The following CALD1 variants were observed in gnomAD, a reference collection of about 807,000 sequenced individuals.
The protein encoded by CALD1 is caldesmon.
Under a neutral mutation model 99.9 loss-of-function variants are expected in CALD1, and 33 were observed. The ratio of observed to expected loss-of-function variants is 0.33; its 90% CI spans 0.25 to 0.44. The LOEUF is 0.44. Ranked by LOEUF, CALD1 falls within the 20% of genes least tolerant of loss-of-function variation. The pLI is 1.00. For synonymous variants in CALD1, 310 were observed against 325.0 expected (o/e 0.95, Z 0.50); for missense variants, 861 against 962.1 (o/e 0.89, Z 1.39).
intron 3 of CALD1, chr7:134,868,006 A>C: frequency 5.1e-6 from 2 of 388,436 alleles, no homozygotes; most frequent in Middle Eastern, 1.3e-3. Flanking sequence ...AGAAAAAGAG[A>C]GATTTGAGAG....
rs1163512471 is a variant in CALD1 at position 134,935,713 on chromosome 7, A to C, written c.1334A>C (p.Gln445Pro). 2 of 1,605,286 alleles carry C rather than the reference A, an allele frequency of 1.2e-6. No individual in the cohort carries two copies. The highest frequency in any genetic ancestry group is 8.5e-7 in the Non-Finnish European group (1 of 1,176,634). The change falls in exon 6 of 15, where the codon CAA (glutamine) becomes CCA (proline). Residue 445 changes from glutamine (Q) to proline (P), a missense_variant. Around this residue, in one of 5 missense-constraint regions of CALD1, gnomAD observed 293 missense variants for 262.7 expected, o/e 1.12. Transcript: ENST00000361675. Reference sequence around the variant, plus strand: ...GGAGAAGAGAAGGGAACTAAAGTGCAAGCTAAAAGAGAAAAGCTCCAAGAA... The same window carrying C: ...GGAGAAGAGAAGGGAACTAAAGTGCCAGCTAAAAGAGAAAAGCTCCAAGAA... ...KQGEEKGTKVQAKREKLQEDK... is the reference protein window; with the variant it reads ...KQGEEKGTKVPAKREKLQEDK...
chr7:134,836,661 G>A (rs548282773), intron 1 of CALD1, among the ~76,000 whole-genome samples: 6 of 152,276 alleles, frequency 3.9e-5, no homozygotes, highest in Admixed American at 2.6e-4. Flanking sequence ...CTGTAGCCAC[G>A]GGAAACTTAT....
chr7:134,917,143 A>C (rs776594060), intron 3 of CALD1, among the ~76,000 whole-genome samples: 3 of 152,180 alleles, frequency 2.0e-5, no homozygotes, highest in Non-Finnish European at 4.4e-5. Flanking sequence ...AGCCATCGAC[A>C]CCTGGGTCTG....
At chr7:134,837,867 A>C (rs1181854808) in intron 1 of CALD1, among the ~76,000 whole-genome samples, 1 of 152,228 alleles carries the variant, frequency 6.6e-6, no homozygotes, top group Non-Finnish European at 1.5e-5. Flanking sequence ...CCTGTTAGTT[A>C]TCTTTGTTAA....
chr7:134,754,686 T>C (rs1201323572), intron 1 of CALD1, among the ~76,000 whole-genome samples: 1 of 152,230 alleles, frequency 6.6e-6, no homozygotes, highest in Admixed American at 6.5e-5. Context: ...TTTTTTTCAC[T>C]CAACAGTCTA....
intron 3 of CALD1, among the ~76,000 whole-genome samples, chr7:134,880,548 A>G (rs1801549412): frequency 6.6e-6 from 1 of 152,210 alleles, no homozygotes; most frequent in African/African-American, 2.4e-5. Flanking sequence ...GCTACAGTAC[A>G]TGTATATCTC....
At chr7:134,921,093 T>TGG (rs1804587046) in intron 3 of CALD1, among the ~76,000 whole-genome samples, 1 of 152,246 alleles carries the variant, frequency 6.6e-6, no homozygotes, top group Non-Finnish European at 1.5e-5. Flanking sequence ...TTGTAATCTC[T>TGG]TTCAATACAG....
the CALD1 span, among the ~76,000 whole-genome samples, chr7:134,725,079 G>A: frequency 7.2e-5 from 11 of 152,200 alleles, no homozygotes; most frequent in Admixed American, 7.2e-4. Context: ...ATGATGACAT[G>A]AGGTGGCCTA....
chr7:134,827,668 A>T (rs146912642), intron 1 of CALD1, among the ~76,000 whole-genome samples: 1 of 152,336 alleles, frequency 6.6e-6, no homozygotes, highest in African/African-American at 2.4e-5. Context: ...ACATCACATG[A>T]TATTCCAAAT....
chr7:134,941,001 C>G (rs1671972072), intron 6 of CALD1, 91 bp from the exon 7 acceptor site: 2 of 1,035,032 alleles, frequency 1.9e-6, no homozygotes, highest in Admixed American at 6.0e-5. Context: ...TTCTGCCTTC[C>G]TAACAATTTT....
intron 2 of CALD1, among the ~76,000 whole-genome samples, chr7:134,857,064 A>G (rs762919423): frequency 2.0e-5 from 3 of 152,012 alleles, no homozygotes; most frequent in Non-Finnish European, 4.4e-5. Context: ...TACAAGCTAT[A>G]GACTAAGTGC....
intron 1 of CALD1, among the ~76,000 whole-genome samples, chr7:134,766,183 ACT>A (rs1369787675): frequency 9.1e-6 from 1 of 110,208 alleles, no homozygotes; most frequent in Non-Finnish European, 1.7e-5. Flanking sequence ...AGGGAGTCTC[ACT>A]CTGTCACCCA....
chr7:134,890,326 A>G (rs1372099851), intron 3 of CALD1, among the ~76,000 whole-genome samples: 1 of 152,240 alleles, frequency 6.6e-6, no homozygotes, highest in Admixed American at 6.5e-5. Flanking sequence ...CAAGAGTAGT[A>G]GATGCAGTTC....
intron 6 of CALD1, among the ~76,000 whole-genome samples, chr7:134,939,281 C>G (rs1325768770): frequency 2.0e-5 from 3 of 152,164 alleles, no homozygotes; most frequent in African/African-American, 7.2e-5. Flanking sequence ...CCCATGAGGA[C>G]CCAAGAGGGA....
At position 134,928,890 on chromosome 7, in the gene CALD1, G is replaced by A; in HGVS notation, c.208G>A (p.Ala70Thr). Residue 70 changes from alanine (A) to threonine (T), a missense_variant, in exon 4 of 15, where the codon GCC (alanine) becomes ACC (threonine). This residue lies in a region of CALD1 where 123 missense variants were observed against 169.8 expected (regional missense o/e 0.72). Coordinates refer to ENST00000361675, the MANE Select transcript of CALD1 (RefSeq NM_033138.4). Reference sequence around the variant, plus strand: ...GGTGACCGACCAGGTGGAGGTGAATGCCCAGAACAGGTACTGTCCTCTTTG... The same window carrying A: ...GGTGACCGACCAGGTGGAGGTGAATACCCAGAACAGGTACTGTCCTCTTTG... Reference protein sequence around the residue: ...GQVTDQVEVNAQNSVPDEEAK... With the variant: ...GQVTDQVEVNTQNSVPDEEAK... 1 of 1,612,938 alleles carries A rather than the reference G, an allele frequency of 6.2e-7. No individual in the cohort carries two copies. Among genetic ancestry groups the A allele is most frequent in the African/African-American group, 1.3e-5 (1 of 75,032 alleles).
At chr7:134,954,395 A>G (rs1263191260) in intron 9 of CALD1, among the ~76,000 whole-genome samples, 2 of 152,204 alleles carry the variant, frequency 1.3e-5, no homozygotes, top group Non-Finnish European at 2.9e-5. Context: ...CAATACTGCC[A>G]CCTCTTGGTC....
At chr7:134,803,668 A>C (rs1425434547) in intron 1 of CALD1, among the ~76,000 whole-genome samples, 1 of 149,740 alleles carries the variant, frequency 6.7e-6, no homozygotes, top group African/African-American at 2.5e-5. Flanking sequence ...GTTGAAAATC[A>C]TTCATCTCCT....
chr7:134,842,066 A>G (rs2132152090), intron 1 of CALD1, among the ~76,000 whole-genome samples: 1 of 152,278 alleles, frequency 6.6e-6, no homozygotes, highest in Non-Finnish European at 1.5e-5. Context: ...CTCACTCACT[A>G]TCAGAAATGT....
At chr7:134,821,538 G>T in intron 1 of CALD1, among the ~76,000 whole-genome samples, 1 of 149,264 alleles carries the variant, frequency 6.7e-6, no homozygotes, top group Non-Finnish European at 1.5e-5. Flanking sequence ...TTTTTTTAAT[G>T]TTCTTTATAC....
Sources: gnomAD v4.1 joint callset for allele counts (sites outside exome capture counted in the v4.1 genomes callset) on GRCh38, gnomAD v4.1.1 for gene constraint, gnomAD v4.1.1 regional missense constraint, MANE v1.5 for transcripts, NCBI Gene and HGNC (gene_info 2026-07-23, HGNC 2026-07-21) for gene names.